UGT1A8: variants seen among roughly 807,000 people sequenced by gnomAD.
The protein encoded by UGT1A8 is UDP glucuronosyltransferase family 1 member A8.
UGT1A8 carries 39 observed loss-of-function variants against 45.3 expected under a neutral mutation model. The ratio of observed to expected loss-of-function variants is 0.86; its 90% CI spans 0.67 to 1.12. The LOEUF (loss-of-function observed/expected upper bound fraction) is 1.12. Among genes scored for constraint, UGT1A8 ranks in the 50% most tolerant of loss-of-function variants. The pLI is 0.00. For missense variants in UGT1A8, 719 were observed against 664.9 expected (o/e 1.08, Z -0.90); for synonymous variants, 275 against 249.2 (o/e 1.10, Z -0.97).
At chr2:233,619,837 A>G (rs2072968664) in intron 1 of UGT1A8, among the ~76,000 whole-genome samples, 1 of 152,166 alleles carries the variant, frequency 6.6e-6, no homozygotes, top group African/African-American at 2.4e-5. Flanking sequence ...CCCTTCTCTG[A>G]TATTTATACT....
At chr2:233,747,365 C>A (rs954513567) in intron 1 of UGT1A8, 2 of 1,604,254 alleles carry the variant, frequency 1.2e-6, no homozygotes, top group East Asian at 4.5e-5. Context: ...TGCGGGAGCT[C>A]CATGCCAGAG....
Position 233,638,431 on chromosome 2 carries a change from A to G in UGT1A8, c.855+19869A>G, listed in dbSNP as rs549582220. 2.4e-3 allele frequency among the ~76,000 whole-genome samples: 366 copies of G among 152,316 alleles called. 3 individuals are homozygous for G. The highest frequency in any genetic ancestry group is 3.6e-3 in the Non-Finnish European group (246 of 68,030). On this transcript the variant is annotated intron_variant, in intron 1 of 4. Coordinates refer to ENST00000373450, the MANE Select transcript of UGT1A8 (RefSeq NM_019076.5). ...TTGTAGTATGCATTAGATGTACAAT[A>G]TACAATACCATCTGCAAGTAATTCC... is the stretch of plus-strand genomic sequence containing the variant.
intron 1 of UGT1A8, among the ~76,000 whole-genome samples, chr2:233,644,950 C>T (rs2073559184): frequency 1.3e-5 from 2 of 152,210 alleles, no homozygotes; most frequent in Admixed American, 1.3e-4. Context: ...ACATAGAAAA[C>T]TGTGTGTAAT....
intron 1 of UGT1A8, among the ~76,000 whole-genome samples, chr2:233,627,634 TTCCTTC>T (rs2073110257): frequency 8.3e-6 from 1 of 120,928 alleles, no homozygotes; most frequent in Non-Finnish European, 1.8e-5. Context: ...TCTTCCTTCC[TTCCTTC>T]CTTCCTTCCT....
chr2:233,620,105 G>C (rs1349457866), intron 1 of UGT1A8, among the ~76,000 whole-genome samples: 1 of 152,142 alleles, frequency 6.6e-6, no homozygotes, highest in South Asian at 2.1e-4. Flanking sequence ...AGTAGACTTT[G>C]TAACAGTCAT....
At chr2:233,680,980 G>A (rs1217672333) in intron 1 of UGT1A8, among the ~76,000 whole-genome samples, 3 of 151,976 alleles carry the variant, frequency 2.0e-5, no homozygotes, top group Admixed American at 1.3e-4. Flanking sequence ...CATGGAGGCA[G>A]GGTTGTCAAT....
intron 1 of UGT1A8, chr2:233,672,344 T>A: frequency 6.2e-7 from 1 of 1,614,184 alleles, no homozygotes; most frequent in Non-Finnish European, 8.5e-7. Flanking sequence ...GTAGAATACT[T>A]AAAGGAGAGT....
At position 233,671,844 on chromosome 2, in the gene UGT1A8, T is replaced by C. The variant is rs1373216341; in HGVS notation, c.855+53282T>C. ...TGAAAGGATAAAAACACGCCCTCTA[T>C]TGGGGTCAGGTTTTGTGCTGGTATT... On this transcript the variant is annotated intron_variant, in intron 1 of 4. Transcript: ENST00000373450. 19 of 1,493,808 alleles carry C rather than the reference T, an allele frequency of 1.3e-5. No homozygotes were observed. The Admixed American group carries it at 3.6e-4, about 28-fold the overall frequency. 92.5% of individuals were successfully genotyped at this position (1,493,808 alleles called of 1,614,324 possible). A position where few individuals can be genotyped will look rare whatever the true frequency, so the allele number is the denominator to read the frequency against.
intron 1 of UGT1A8, among the ~76,000 whole-genome samples, chr2:233,722,564 C>G (rs2077023248): frequency 6.6e-6 from 1 of 152,184 alleles, no homozygotes; most frequent in Non-Finnish European, 1.5e-5. Flanking sequence ...TGATTTGTAG[C>G]TGCTTTTGCA....
At chr2:233,631,398 C>G (rs915775486) in intron 1 of UGT1A8, among the ~76,000 whole-genome samples, 8 of 152,060 alleles carry the variant, frequency 5.3e-5, no homozygotes, top group Admixed American at 3.9e-4. Context: ...GTTCTAGATC[C>G]TTGATGAATC....
chr2:233,763,802 T>C (rs1286063842), intron 1 of UGT1A8, among the ~76,000 whole-genome samples: 2 of 152,186 alleles, frequency 1.3e-5, no homozygotes, highest in Non-Finnish European at 2.9e-5. Context: ...GGAATGAAAC[T>C]CAAGAATTCC....
chr2:233,700,968 T>C (rs2075602743), intron 1 of UGT1A8, among the ~76,000 whole-genome samples: 1 of 150,460 alleles, frequency 6.6e-6, no homozygotes, highest in South Asian at 2.1e-4. Flanking sequence ...GAACATGCGG[T>C]GTTTGATTTT....
rs1374250230 is a variant in UGT1A8, at chr2:233,725,069, C to T, written c.856-41965C>T. 4.1e-5 allele frequency among the ~76,000 whole-genome samples: 6 copies of T among 146,562 alleles called. 2 individuals carry two copies. Among genetic ancestry groups the T allele is most frequent in the Admixed American group, 2.7e-4 (4 of 14,618 alleles). ...AGGCGTGGCGGCGCGCGCCTGCAAT[C>T]GCAGGCACTCGGCAGGCTGAGGCAG... On this transcript the variant is annotated intron_variant, in intron 1 of 4. Transcript: ENST00000373450.
At chr2:233,758,802 A>G (rs1160659282) in intron 1 of UGT1A8, among the ~76,000 whole-genome samples, 1 of 152,232 alleles carries the variant, frequency 6.6e-6, no homozygotes, top group Non-Finnish European at 1.5e-5. Flanking sequence ...TTGGAATTGT[A>G]TAGTACAGCA....
At chr2:233,631,623 GTATAAAT>G (rs745852446) in intron 1 of UGT1A8, among the ~76,000 whole-genome samples, 3 of 152,116 alleles carry the variant, frequency 2.0e-5, no homozygotes, top group Non-Finnish European at 4.4e-5. Flanking sequence ...CTTGTTGGTT[GTATAAAT>G]GTCTTCTTTT....
intron 1 of UGT1A8, among the ~76,000 whole-genome samples, chr2:233,752,979 T>C (rs993600275): frequency 5.3e-5 from 8 of 152,202 alleles, no homozygotes; most frequent in Non-Finnish European, 1.0e-4. Context: ...ATTGTGTAGA[T>C]ACAAACCCAC....
At chr2:233,672,810 C>G (rs746379415) in intron 1 of UGT1A8, 1 of 1,605,968 alleles carries the variant, frequency 6.2e-7, no homozygotes, top group Non-Finnish European at 8.5e-7. Context: ...TCTCCTTTAG[C>G]ACCTTAAGAA....
At chr2:233,651,311 C>T (rs563617963) in intron 1 of UGT1A8, among the ~76,000 whole-genome samples, 7 of 152,094 alleles carry the variant, frequency 4.6e-5, no homozygotes, top group South Asian at 4.2e-4. Context: ...AGAGGGCTTC[C>T]GAGATACGGA....
chr2:233,618,364 T>A lies in UGT1A8; in HGVS notation c.657T>A (p.Phe219Leu), dbSNP rs149313615. 3.7e-6 allele frequency: 6 copies of A among 1,613,828 alleles called. No homozygotes were observed. Among genetic ancestry groups the A allele is most frequent in the Non-Finnish European group, 5.1e-6 (6 of 1,179,854 alleles). ...NHIMHLEEHL[F>L]CQYFSKNALE... ...TCATGCACTTGGAGGAACATTTATTTTGCCAGTATTTTTCCAAAAATGCCC... is the reference window on the plus strand; with the variant it reads ...TCATGCACTTGGAGGAACATTTATTATGCCAGTATTTTTCCAAAAATGCCC... Residue 219 changes from phenylalanine (F) to leucine (L), a missense_variant, in exon 1 of 5, where the codon TTT becomes TTA. By Grantham distance (22) the Phe-to-Leu change is conservative. Transcript: ENST00000373450.
Sources: allele counts gnomAD v4.1 joint callset (sites outside exome capture counted in the v4.1 genomes callset), GRCh38; gene constraint gnomAD v4.1.1; transcripts MANE v1.5; gene names NCBI Gene and HGNC (gene_info 2026-07-23, HGNC 2026-07-21).